Variants in EYS observed in about 807,000 individuals in gnomAD.
EYS encodes EGF-like photoreceptor maintenance factor.
EYS carries 250 observed loss-of-function variants against 282.1 expected under a neutral mutation model. That is an observed-to-expected ratio of 0.89 (90% CI 0.80 to 0.98). EYS has a LOEUF of 0.98. Among genes scored for constraint, EYS ranks in the 50% least tolerant of loss-of-function variants. The probability of loss-of-function intolerance (pLI) is 0.00; values close to 1 mark genes in which losing one functional copy is unlikely to be tolerated. For synonymous variants in EYS, 1,355 were observed against 1,282.9 expected (o/e 1.06, Z -1.20); for missense variants, 4,016 against 3,709.0 (o/e 1.08, Z -2.15).
intron 30 of EYS, among the ~76,000 whole-genome samples, chr6:64,271,868 C>T (rs894324901): frequency 6.6e-6 from 1 of 152,002 alleles, no homozygotes. Context: ...GAGACAGAGT[C>T]TCACTGCAAC....
chr6:65,700,241 C>T (rs9363422), intron 1 of EYS, among the ~76,000 whole-genome samples: 7,152 of 151,374 alleles, frequency 0.047, 430 homozygotes, highest in East Asian at 0.33. Context: ...CCTGGGAGAC[C>T]AATTAGGAAA....
At chr6:64,916,270 C>T (rs1768160023) in intron 15 of EYS, among the ~76,000 whole-genome samples, 1 of 152,162 alleles carries the variant, frequency 6.6e-6, no homozygotes, top group South Asian at 2.1e-4. Context: ...ACCGACAATT[C>T]TTGCCTATTT....
chr6:64,419,964 T>A (rs1774177693), intron 28 of EYS, among the ~76,000 whole-genome samples: 1 of 152,214 alleles, frequency 6.6e-6, no homozygotes, highest in African/African-American at 2.4e-5. Flanking sequence ...TGACCCCACA[T>A]TTCCCTTCTG....
intron 22 of EYS, among the ~76,000 whole-genome samples, chr6:64,703,447 T>TTTTTTTTTTTG (rs1770867770): frequency 8.0e-6 from 1 of 125,356 alleles, no homozygotes; most frequent in East Asian, 2.3e-4. Context: ...TTTTTTTTTT[T>TTTTTTTTTTTG]GAGATGGAGC....
At chr6:65,291,026 T>A (rs1768510594) in intron 12 of EYS, among the ~76,000 whole-genome samples, 1 of 151,448 alleles carries the variant, frequency 6.6e-6, no homozygotes, top group South Asian at 2.1e-4. Flanking sequence ...ATAATATTAG[T>A]TAAGTAAATA....
intron 29 of EYS, chr6:64,378,068 T>A (rs1482375857): frequency 6.6e-6 from 1 of 152,204 alleles, no homozygotes; most frequent in African/African-American, 2.4e-5. Flanking sequence ...ACTTGTTGAA[T>A]GAGTGCATGA....
chr6:65,499,902 T>C (rs1047053556), intron 2 of EYS, among the ~76,000 whole-genome samples: 1 of 152,006 alleles, frequency 6.6e-6, no homozygotes, highest in East Asian at 1.9e-4. Flanking sequence ...CCTTCTTTAG[T>C]ACACTGTCTT....
intron 22 of EYS, among the ~76,000 whole-genome samples, chr6:64,790,798 G>A (rs903197542): frequency 2.0e-5 from 3 of 151,708 alleles, no homozygotes; most frequent in African/African-American, 7.2e-5. Flanking sequence ...TATTTGAAAG[G>A]CAAAGTAAGA....
intron 12 of EYS, among the ~76,000 whole-genome samples, chr6:65,102,763 C>T (rs1397665966): frequency 6.6e-6 from 1 of 151,058 alleles, no homozygotes; most frequent in Non-Finnish European, 1.5e-5. Flanking sequence ...CATCTATTTT[C>T]CTTTAATAAG....
At chr6:65,038,689 C>T (rs1338197120) in intron 13 of EYS, among the ~76,000 whole-genome samples, 1 of 151,348 alleles carries the variant, frequency 6.6e-6, no homozygotes, top group Non-Finnish European at 1.5e-5. Flanking sequence ...TCCCTATCAA[C>T]AATTTTATCT....
At chr6:63,833,534 A>G (rs1353156092) in intron 36 of EYS, among the ~76,000 whole-genome samples, 2 of 152,192 alleles carry the variant, frequency 1.3e-5, no homozygotes, top group African/African-American at 4.8e-5. Flanking sequence ...GGAGAACTAT[A>G]AACCACTGCT....
intron 2 of EYS, among the ~76,000 whole-genome samples, chr6:65,554,428 T>G (rs1357379441): frequency 1.3e-5 from 2 of 152,178 alleles, no homozygotes; most frequent in Non-Finnish European, 2.9e-5. Flanking sequence ...GCTTTTATAC[T>G]GATATCAGCC....
intron 2 of EYS, among the ~76,000 whole-genome samples, chr6:65,585,598 A>C (rs904316252): frequency 6.6e-6 from 1 of 151,974 alleles, no homozygotes; most frequent in Non-Finnish European, 1.5e-5. Flanking sequence ...AACAGTTTTT[A>C]GTGTACTCTT....
At chr6:63,763,052 C>T (rs1444853019) in intron 40 of EYS, among the ~76,000 whole-genome samples, 1 of 152,070 alleles carries the variant, frequency 6.6e-6, no homozygotes, top group East Asian at 1.9e-4. Context: ...AACTCACAGG[C>T]TCAGCTCCTG....
At chr6:63,951,795 A>G (rs1369041880) in intron 35 of EYS, among the ~76,000 whole-genome samples, 1 of 152,126 alleles carries the variant, frequency 6.6e-6, no homozygotes, top group Non-Finnish European at 1.5e-5. Flanking sequence ...AACCTCTCCC[A>G]AATCAGTTAG....
At chr6:64,196,733 G>C (rs35207602) in intron 31 of EYS, among the ~76,000 whole-genome samples, 42,147 of 142,482 alleles carry the variant, frequency 0.3, 6,416 homozygotes, top group East Asian at 0.49. Flanking sequence ...ATCACACTCT[G>C]GGGACTGTGG....
intron 31 of EYS, among the ~76,000 whole-genome samples, chr6:64,090,151 T>C (rs1036760560): frequency 3.9e-5 from 6 of 152,122 alleles, no homozygotes; most frequent in Admixed American, 6.6e-5. Flanking sequence ...TGAAAAACTA[T>C]CAATATTTCT....
chr6:64,381,904 G>T (rs76593703), intron 29 of EYS, among the ~76,000 whole-genome samples: 4,634 of 152,194 alleles, frequency 0.03, 139 homozygotes, highest in African/African-American at 0.083. Flanking sequence ...AATACAGATG[G>T]TGTTCCTTTA....
intron 22 of EYS, among the ~76,000 whole-genome samples, chr6:64,696,248 G>C (rs957019895): frequency 2.6e-5 from 4 of 152,080 alleles, no homozygotes; most frequent in African/African-American, 9.7e-5. Context: ...CAGTAGAATA[G>C]ACCGAGCACA....
Sources: allele counts gnomAD v4.1 joint callset (sites outside exome capture counted in the v4.1 genomes callset), GRCh38; gene constraint gnomAD v4.1.1; transcripts MANE v1.5; gene names NCBI Gene and HGNC (gene_info 2026-07-23, HGNC 2026-07-21).